The following MAP3K19 variants were observed in gnomAD, a reference collection of about 807,000 sequenced individuals.
MAP3K19 encodes mitogen-activated protein kinase kinase kinase 19.
A neutral mutation model predicts 114.4 loss-of-function variants in MAP3K19; 91 were observed. The observed-to-expected ratio is 0.80, with a 90% CI of 0.67 to 0.95. The LOEUF (loss-of-function observed/expected upper bound fraction) is 0.95. MAP3K19 is among the 40% of genes least tolerant of loss of function. The pLI is 0.00. For missense variants in MAP3K19, 1,471 were observed against 1,573.2 expected, an observed-to-expected ratio of 0.94 and a Z score of 1.10; for synonymous variants, 518 against 530.5, an observed-to-expected ratio of 0.98 and a Z score of 0.32.
At chr2:134,997,222 G>C (rs1426824337) in intron 8 of MAP3K19, among the ~76,000 whole-genome samples, 3 of 152,128 alleles carry the variant, frequency 2.0e-5, no homozygotes, top group African/African-American at 7.2e-5. Flanking sequence ...TATGCCAAAT[G>C]AAACAAGCCA....
intron 2 of MAP3K19, among the ~76,000 whole-genome samples, chr2:135,039,607 A>C (rs1289750615): frequency 6.6e-6 from 1 of 152,104 alleles, no homozygotes; most frequent in African/African-American, 2.4e-5. Flanking sequence ...AAACAAAAAA[A>C]CAAAGTCCCA....
chr2:135,001,713 T>G lies in MAP3K19; in HGVS notation c.236-1698A>C, dbSNP rs80004618. On this transcript the variant is annotated intron_variant, in intron 6 of 12. Transcript: ENST00000392915. The stretch of plus-strand genomic sequence containing the variant: ...GTATTTAGTTCTTTGCTGTGGAAGT[T>G]AGAAAACTGAGTGTATTCACATGAA... Among the ~76,000 whole-genome samples the G allele has an allele frequency of 7.2e-3, 1,100 of 152,326 alleles. 6 individuals are homozygous for G. Among genetic ancestry groups the G allele is most frequent in the Middle Eastern group, 0.041 (12 of 292 alleles).
intron 12 of MAP3K19, among the ~76,000 whole-genome samples, chr2:134,977,614 G>A (rs923125981): frequency 8.6e-5 from 13 of 151,950 alleles, no homozygotes; most frequent in Admixed American, 5.2e-4. Context: ...CGCCCGCCTC[G>A]GCCTCCCAAA....
At chr2:134,988,725 A>G (rs1351978822) in intron 9 of MAP3K19, among the ~76,000 whole-genome samples, 1 of 152,136 alleles carries the variant, frequency 6.6e-6, no homozygotes, top group Non-Finnish European at 1.5e-5. Context: ...CTCATTCCCA[A>G]TATTTTTTTT....
intron 1 of MAP3K19, among the ~76,000 whole-genome samples, chr2:135,043,170 G>A (rs1688679361): frequency 6.6e-6 from 1 of 152,142 alleles, no homozygotes; most frequent in Non-Finnish European, 1.5e-5. Flanking sequence ...GGTCCAAGAG[G>A]TTGGGGTCCA....
At chr2:134,982,105 T>TTTTC (rs1194945092) in intron 11 of MAP3K19, among the ~76,000 whole-genome samples, 18 of 144,356 alleles carry the variant, frequency 1.2e-4, no homozygotes, top group African/African-American at 4.4e-4. Flanking sequence ...CGTGCTACCT[T>TTTTC]TTTCTTTCTT....
In MAP3K19 at chr2:134,986,877, C is replaced by A. The variant is rs780863603; in HGVS notation, c.1995G>T (p.Met665Ile). The change falls in exon 10 of 13, where the codon ATG becomes ATT. Residue 665 changes from methionine to isoleucine, a missense_variant. Met to Ile is a conservative substitution (Grantham distance 10). Transcript: ENST00000392915. ...CATGACAATAAACAGGGGTCCCAAA[C>A]ATTTCATAGATTCCAGGTCCATTAG... ...STANGPGIYE[M>I]FGTPVYCHVR... 6.2e-7 allele frequency: 1 copy of A among 1,614,176 alleles called. No homozygotes were observed. Among genetic ancestry groups the A allele is most frequent in the Non-Finnish European group, 8.5e-7 (1 of 1,180,034 alleles).
Position 135,019,621 on chromosome 2 carries a change from C to T in MAP3K19, c.138+2094G>A, listed in dbSNP as rs190681108. 5.1e-4 allele frequency among the ~76,000 whole-genome samples: 78 copies of T among 152,132 alleles called. No individual in the cohort carries two copies. The East Asian group carries it at 6.6e-3, about 13-fold the overall frequency. ...GAGCCATGTTTATGCCAGGGCACTT[C>T]GGCCTGGGCAACAGAATGAGACCCA... is the stretch of plus-strand genomic sequence containing the variant. On this transcript the variant is annotated intron_variant, in intron 5 of 12. Transcript: ENST00000392915.
At chr2:134,977,747 T>C (rs191795849) in intron 12 of MAP3K19, among the ~76,000 whole-genome samples, 44 of 152,320 alleles carry the variant, frequency 2.9e-4, no homozygotes, top group Middle Eastern at 3.4e-3. Flanking sequence ...TTATTCTGCC[T>C]CAGCCTCCCA....
chr2:134,973,968 G>A (rs1163413439), intron 12 of MAP3K19, among the ~76,000 whole-genome samples: 2 of 151,792 alleles, frequency 1.3e-5, no homozygotes, highest in African/African-American at 4.8e-5. Context: ...TGACAGTTTT[G>A]TTTTGTTTTT....
chr2:134,990,036 T>G (rs1685447482), intron 9 of MAP3K19, among the ~76,000 whole-genome samples: 1 of 151,928 alleles, frequency 6.6e-6, no homozygotes, highest in African/African-American at 2.4e-5. Context: ...GAGCCGAGAT[T>G]GTGCCAACTG....
rs549525264 is a variant in MAP3K19 at position 134,993,831 on chromosome 2, C to T, written c.575-2251G>A. On this transcript the variant is annotated intron_variant, in intron 8 of 12. Coordinates refer to ENST00000392915, the MANE Select transcript of MAP3K19 (RefSeq NM_025052.5). ...GTAGAGACCACTCTGAGCAACATAGCGAGACCCCATCTCTACAAAAAATGT... is the reference window on the plus strand; with the variant it reads ...GTAGAGACCACTCTGAGCAACATAGTGAGACCCCATCTCTACAAAAAATGT... Among the ~76,000 whole-genome samples, 26 of 152,140 alleles carry T rather than the reference C, an allele frequency of 1.7e-4. No homozygotes were observed. In the South Asian group the frequency reaches 5.4e-3, roughly 32 times the overall value.
chr2:134,998,536 G>A (rs115536635), intron 8 of MAP3K19, among the ~76,000 whole-genome samples: 162 of 152,188 alleles, frequency 1.1e-3, no homozygotes, highest in South Asian at 2.9e-3. Context: ...GGAACATTAT[G>A]CCATCCTTCA....
intron 8 of MAP3K19, 63 bp downstream of exon 8, chr2:134,998,675 G>A: frequency 1.3e-6 from 2 of 1,487,476 alleles, no homozygotes; most frequent in Middle Eastern, 2.5e-4. Context: ...AACAGTGCCT[G>A]GCACAATACA....
At chr2:135,004,629 T>C (rs995962097) in intron 6 of MAP3K19, among the ~76,000 whole-genome samples, 1 of 152,182 alleles carries the variant, frequency 6.6e-6, no homozygotes, top group Admixed American at 6.5e-5. Flanking sequence ...TATGGATGAA[T>C]AGATGACAGA....
chr2:135,038,283 A>G (rs1036577272), intron 2 of MAP3K19, among the ~76,000 whole-genome samples: 1 of 151,956 alleles, frequency 6.6e-6, no homozygotes, highest in Non-Finnish European at 1.5e-5. Context: ...ATGTGTATGT[A>G]TATATTTGTA....
intron 12 of MAP3K19, among the ~76,000 whole-genome samples, chr2:134,973,765 C>T (rs1344264349): frequency 1.3e-5 from 2 of 151,994 alleles, no homozygotes; most frequent in African/African-American, 2.4e-5. Context: ...TGTGTGGTTT[C>T]CTCTACCTGT....
chr2:134,986,330 G>C lies in MAP3K19; in HGVS notation c.2542C>G (p.Pro848Ala). ...CAGCTGTCTTCTGAAGGGATAAATG[G>C]GATCTGGTGATGTAGCTCTTCAAGT... is the stretch of plus-strand genomic sequence containing the variant. ...QELEELHHQI[P>A]FIPSEDSWAV... The change falls in exon 10 of 13, where the codon CCA becomes GCA. Residue 848 changes from proline to alanine, a missense_variant. Pro to Ala is a conservative substitution (Grantham distance 27). Coordinates refer to ENST00000392915, the MANE Select transcript of MAP3K19 (RefSeq NM_025052.5). 2 of 1,613,716 alleles carry C rather than the reference G, an allele frequency of 1.2e-6. No homozygotes were observed. The highest frequency in any genetic ancestry group is 2.2e-5 in the South Asian group (2 of 91,012).
At position 134,987,090 on chromosome 2, in the gene MAP3K19, C is replaced by T. The variant is rs747538729; in HGVS notation, c.1782G>A (p.Met594Ile). The T allele has an allele frequency of 6.2e-7, 1 of 1,613,204 alleles. No individual in the cohort carries two copies. ...PWQLPRFQKK[M>I]PQIAKKQSTH... ...TTGATTGCTTCTTTGCTATCTGTGG[C>T]ATTTTCTTTTGAAACCTGGGCAATT... The change falls in exon 10 of 13, where the codon ATG becomes ATA. Residue 594 changes from methionine to isoleucine, a missense_variant. Physicochemically the swap from Met to Ile is conservative, Grantham distance 10. Coordinates refer to ENST00000392915, the MANE Select transcript of MAP3K19 (RefSeq NM_025052.5).
Sources: allele counts gnomAD v4.1 joint callset (sites outside exome capture counted in the v4.1 genomes callset), GRCh38; gene constraint gnomAD v4.1.1; transcripts MANE v1.5; gene names NCBI Gene and HGNC (gene_info 2026-07-23, HGNC 2026-07-21).